Variants in SDK1 observed in about 807,000 individuals in gnomAD.
SDK1 encodes protein sidekick-1.
A neutral mutation model predicts 245.5 loss-of-function variants in SDK1; 157 were observed. That is an observed-to-expected ratio of 0.64 (90% CI 0.56 to 0.73). The LOEUF is 0.73. Ranked by LOEUF, SDK1 falls within the 30% of genes least tolerant of loss-of-function variation. The pLI, the probability that SDK1 is intolerant of heterozygous loss-of-function variation, is 0.00. For missense variants in SDK1, 3,583 were observed against 3,002.3 expected (o/e 1.19, Z -4.52); for synonymous variants, 1,647 against 1,278.5 (o/e 1.29, Z -6.15).
intron 1 of SDK1, among the ~76,000 whole-genome samples, chr7:3,489,594 T>C (rs1327526030): frequency 1.3e-5 from 2 of 152,204 alleles, no homozygotes; most frequent in East Asian, 3.9e-4. Context: ...TATCTGGAGA[T>C]AGATGGAAGT....
rs117321982 is a variant in SDK1 at position 3,847,106 on chromosome 7, A to T, written c.847+25523A>T. Among the ~76,000 whole-genome samples, 20 of 151,948 alleles carry T rather than the reference A, an allele frequency of 1.3e-4. No individual in the cohort carries two copies. The East Asian group carries it at 3.7e-3, about 28-fold the overall frequency. On this transcript the variant is annotated intron_variant, in intron 5 of 44. Transcript: ENST00000404826. Reference sequence around the variant, plus strand: ...AGCATTGTTCTTGTGGAGAGCTGCAATGCCTCCAGCTCTTCTCTGTTCATG... The same window carrying T: ...AGCATTGTTCTTGTGGAGAGCTGCATTGCCTCCAGCTCTTCTCTGTTCATG...
intron 1 of SDK1, among the ~76,000 whole-genome samples, chr7:3,404,192 T>C (rs909573212): frequency 6.6e-6 from 1 of 151,982 alleles, no homozygotes; most frequent in African/African-American, 2.4e-5. Context: ...CTCCAAAATT[T>C]GTAATTTTAC....
chr7:3,505,308 A>G (rs1383352328), intron 1 of SDK1, among the ~76,000 whole-genome samples: 1 of 152,170 alleles, frequency 6.6e-6, no homozygotes, highest in Admixed American at 6.6e-5. Context: ...GTGCAGTTGC[A>G]TGATGAGAGG....
chr7:4,256,997 T>C (rs1422406750), intron 44 of SDK1, among the ~76,000 whole-genome samples: 1 of 152,260 alleles, frequency 6.6e-6, no homozygotes, highest in Non-Finnish European at 1.5e-5. Flanking sequence ...ACACGACGCA[T>C]GCTGTGGCTA....
intron 38 of SDK1, among the ~76,000 whole-genome samples, chr7:4,212,811 C>T (rs1784576006): frequency 6.6e-6 from 1 of 152,240 alleles, no homozygotes; most frequent in Admixed American, 6.5e-5. Flanking sequence ...CTTCATAGTT[C>T]TGATTGACCT....
intron 16 of SDK1, among the ~76,000 whole-genome samples, chr7:4,016,032 G>T (rs566670019): frequency 1.3e-5 from 2 of 152,160 alleles, no homozygotes; most frequent in East Asian, 1.9e-4. Context: ...TGAATTTCTG[G>T]GTTTCTTCTC....
intron 32 of SDK1, among the ~76,000 whole-genome samples, chr7:4,170,335 T>A (rs1781759095): frequency 6.6e-6 from 1 of 152,058 alleles, no homozygotes; most frequent in Non-Finnish European, 1.5e-5. Flanking sequence ...TAGTCCCAGC[T>A]ACTCGGGAGG....
At position 3,831,831 on chromosome 7, in the gene SDK1, G is replaced by C. The variant is rs373687388; in HGVS notation, c.847+10248G>C. On this transcript the variant is annotated intron_variant, in intron 5 of 44. Coordinates refer to ENST00000404826, the MANE Select transcript of SDK1 (RefSeq NM_152744.4). Reference sequence around the variant, plus strand: ...GGAGGCTGAGGCAGGAGCATTGCTCGAGCCCAGGAGTTCAAGACCAGTCTG... The same window carrying C: ...GGAGGCTGAGGCAGGAGCATTGCTCCAGCCCAGGAGTTCAAGACCAGTCTG... Among the ~76,000 whole-genome samples the C allele has an allele frequency of 1.1e-3, 174 of 152,104 alleles. 1 individual carries two copies. In the Middle Eastern group the frequency reaches 0.044, roughly 39 times the overall value.
intron 5 of SDK1, among the ~76,000 whole-genome samples, chr7:3,885,932 T>C (rs561338192): frequency 1.4e-4 from 22 of 152,290 alleles, no homozygotes; most frequent in African/African-American, 5.3e-4. Context: ...TACTCCTAAG[T>C]TGAGTTCTGA....
At chr7:4,028,412 G>T (rs1408384822) in intron 17 of SDK1, among the ~76,000 whole-genome samples, 1 of 152,212 alleles carries the variant, frequency 6.6e-6, no homozygotes, top group Non-Finnish European at 1.5e-5. Context: ...TGTGACATGT[G>T]ACATCACCAC....
chr7:3,435,253 G>A (rs1010404061), intron 1 of SDK1, among the ~76,000 whole-genome samples: 1 of 149,168 alleles, frequency 6.7e-6, no homozygotes, highest in Non-Finnish European at 1.5e-5. Context: ...AGATTATACT[G>A]GAGAGATCTA....
At chr7:3,360,195 G>A (rs915795094) in intron 1 of SDK1, among the ~76,000 whole-genome samples, 6 of 152,154 alleles carry the variant, frequency 3.9e-5, no homozygotes, top group African/African-American at 7.2e-5. Flanking sequence ...TAAACTCCAA[G>A]AGGTCAGGAG....
At chr7:4,206,114 C>A in intron 36 of SDK1, 120 bp downstream of exon 36, 1 of 674,680 alleles carries the variant, frequency 1.5e-6, no homozygotes, top group Non-Finnish European at 2.5e-6. Flanking sequence ...AGAGCTGGGG[C>A]CCAAGCGTCG....
chr7:3,587,139 C>G (rs191125044), intron 1 of SDK1, among the ~76,000 whole-genome samples: 1 of 152,238 alleles, frequency 6.6e-6, no homozygotes, highest in East Asian at 1.9e-4. Context: ...TAAGTCCTAA[C>G]AGAACTCTGC....
chr7:3,528,883 C>T (rs1783244503), intron 1 of SDK1, among the ~76,000 whole-genome samples: 1 of 152,088 alleles, frequency 6.6e-6, no homozygotes, highest in South Asian at 2.1e-4. Context: ...TGGGCTCTTC[C>T]TGATCTCCTT....
Position 3,926,710 on chromosome 7 carries a change from A to G in SDK1, c.848-24213A>G, listed in dbSNP as rs183585501. Among the ~76,000 whole-genome samples, 13 of 152,274 alleles carry G rather than the reference A, an allele frequency of 8.5e-5. No individual in the cohort carries two copies. In the East Asian group the frequency reaches 2.3e-3, roughly 27 times the overall value. Reference sequence around the variant, plus strand: ...ATTTTAGACTCATCCCTTAAAGCCCAGGCTGTCACATACCAGCCACCACTT... The same window carrying G: ...ATTTTAGACTCATCCCTTAAAGCCCGGGCTGTCACATACCAGCCACCACTT... On this transcript the variant is annotated intron_variant, in intron 5 of 44. Coordinates refer to ENST00000404826, the MANE Select transcript of SDK1 (RefSeq NM_152744.4).
At chr7:3,354,882 A>G (rs1780751749) in intron 1 of SDK1, among the ~76,000 whole-genome samples, 1 of 152,242 alleles carries the variant, frequency 6.6e-6, no homozygotes, top group Non-Finnish European at 1.5e-5. Flanking sequence ...TGATCACGTT[A>G]AAGAGGCCTC....
chr7:3,339,001 A>G (rs1174198139), intron 1 of SDK1, among the ~76,000 whole-genome samples: 2 of 152,222 alleles, frequency 1.3e-5, no homozygotes, highest in Admixed American at 6.5e-5. Flanking sequence ...GAATACACCA[A>G]TTAAAGGATA....
chr7:3,681,193 T>C (rs1050762142), intron 4 of SDK1, among the ~76,000 whole-genome samples: 19 of 50,852 alleles, frequency 3.7e-4, no homozygotes, highest in Non-Finnish European at 1.0e-3. Context: ...CCCCGAGTGC[T>C]ATAGTTTAGT....
Sources: gnomAD v4.1 joint callset for allele counts (sites outside exome capture counted in the v4.1 genomes callset) on GRCh38, gnomAD v4.1.1 for gene constraint, MANE v1.5 for transcripts, NCBI Gene and HGNC (gene_info 2026-07-23, HGNC 2026-07-21) for gene names.